Variants in ANK1 observed in about 807,000 individuals in gnomAD.
ANK1 encodes ankyrin 1.
A neutral mutation model predicts 210.4 loss-of-function variants in ANK1; 51 were observed. That is an observed-to-expected ratio of 0.24 (90% CI 0.19 to 0.31). ANK1 has a LOEUF of 0.31. Ranked by LOEUF, ANK1 falls within the 10% of genes least tolerant of loss-of-function variation. The pLI is 1.00. For synonymous variants in ANK1, 967 were observed against 1,025.9 expected (o/e 0.94, Z 1.10); for missense variants, 2,051 against 2,504.4 (o/e 0.82, Z 3.86).
chr8:41,703,448 A>ATTTTTT (rs1198353842), intron 20 of ANK1, among the ~76,000 whole-genome samples: 80 of 60,160 alleles, frequency 1.3e-3, no homozygotes, highest in African/African-American at 5.2e-3. Context: ...ATATATATAT[A>ATTTTTT]TATTTTTTTT....
intron 1 of ANK1, among the ~76,000 whole-genome samples, chr8:41,838,341 G>C (rs1375624836): frequency 6.6e-6 from 1 of 152,206 alleles, no homozygotes; most frequent in Non-Finnish European, 1.5e-5. Flanking sequence ...TGTAGGACCT[G>C]AATAACCTGG....
At chr8:41,712,255 C>T (rs1329786496) in intron 16 of ANK1, among the ~76,000 whole-genome samples, 1 of 152,150 alleles carries the variant, frequency 6.6e-6, no homozygotes, top group Non-Finnish European at 1.5e-5. Flanking sequence ...GTACAAGGGT[C>T]CATCACTTGA....
intron 1 of ANK1, among the ~76,000 whole-genome samples, chr8:41,853,735 CTTATT>C (rs750562289): frequency 8.5e-5 from 13 of 152,048 alleles, no homozygotes; most frequent in Non-Finnish European, 1.3e-4. Flanking sequence ...TGGGATTTTA[CTTATT>C]TTATTTTATT....
Position 41,725,945 on chromosome 8 carries a change from T to A in ANK1, c.428A>T (p.Asp143Val). 1 of 1,613,336 alleles carries A rather than the reference T, an allele frequency of 6.2e-7. No homozygotes were observed. The highest frequency in any genetic ancestry group is 8.5e-7 in the Non-Finnish European group (1 of 1,179,920). ...NGANQNVATE[D>V]GFTPLAVALQ... ...GGCTACCGCCAGAGGCGTGAAGCCG[T>A]CCTGGCCAGAGGAGGAAAATGCTTT... Residue 143 changes from aspartate (D) to valine (V), a missense_variant and splice_region_variant, in exon 6 of 43, where the codon GAC becomes GTC. Asp to Val is a radical substitution (Grantham distance 152, BLOSUM62 -3). Around this residue, in one of 6 missense-constraint regions of ANK1, gnomAD observed 10 missense variants for 36.2 expected, o/e 0.28. Coordinates refer to ENST00000289734, the MANE Select transcript of ANK1 (RefSeq NM_000037.4).
In ANK1 at chr8:41,727,811, G is replaced by A. The variant is rs1831099546; in HGVS notation, c.327+97C>T. ...TAGGCCCTGCCCCACAGTAGTGTGTGTGTTAACACGGCTGCCAATGGACCC... is the reference window on the plus strand; with the variant it reads ...TAGGCCCTGCCCCACAGTAGTGTGTATGTTAACACGGCTGCCAATGGACCC... On this transcript the variant is annotated intron_variant, in intron 4 of 42. Transcript: ENST00000289734. The A allele has an allele frequency of 7.2e-6, 8 of 1,104,446 alleles. No homozygotes were observed. In the South Asian group the frequency reaches 8.9e-5, roughly 12 times the overall value. 68.4% of individuals were successfully genotyped at this position (1,104,446 alleles called of 1,614,324 possible). A position where few individuals can be genotyped will look rare whatever the true frequency, so the allele number is the denominator to read the frequency against.
chr8:41,777,636 AAT>A (rs1467780832), intron 1 of ANK1, among the ~76,000 whole-genome samples: 4 of 151,988 alleles, frequency 2.6e-5, no homozygotes, highest in Admixed American at 1.3e-4. Flanking sequence ...ACAAACAAAC[AAT>A]GTTATGGTTG....
chr8:41,825,581 C>G (rs1805230636), intron 1 of ANK1, among the ~76,000 whole-genome samples: 1 of 152,328 alleles, frequency 6.6e-6, no homozygotes, highest in East Asian at 1.9e-4. Flanking sequence ...GGCCTGAGCT[C>G]AACACTTGAA....
chr8:41,862,340 G>A (rs952195152), intron 1 of ANK1, among the ~76,000 whole-genome samples: 1 of 152,136 alleles, frequency 6.6e-6, no homozygotes, highest in African/African-American at 2.4e-5. Context: ...GAGTGAGGCT[G>A]AGCTGAAATG....
intron 3 of ANK1, among the ~76,000 whole-genome samples, chr8:41,729,329 A>G (rs1456294436): frequency 1.3e-5 from 2 of 152,264 alleles, no homozygotes; most frequent in African/African-American, 2.4e-5. Flanking sequence ...TTTGTAAAAG[A>G]TAAGAACCAA....
intron 1 of ANK1, among the ~76,000 whole-genome samples, chr8:41,772,186 T>C (rs1422409870): frequency 1.3e-5 from 2 of 152,166 alleles, no homozygotes; most frequent in Non-Finnish European, 2.9e-5. Flanking sequence ...CAGAACTCAA[T>C]AGCAACAACA....
At chr8:41,712,113 C>T (rs1005641376) in intron 16 of ANK1, among the ~76,000 whole-genome samples, 8 of 152,022 alleles carry the variant, frequency 5.3e-5, no homozygotes, top group African/African-American at 9.7e-5. Flanking sequence ...TTAGTAGAGA[C>T]GGGGTTTCAC....
Position 41,714,928 on chromosome 8 carries a change from C to T in ANK1, c.1701+48G>A, listed in dbSNP as rs1355276336. On this transcript the variant is annotated intron_variant, in intron 15 of 42. Transcript: ENST00000289734. ...CAAGTGCTGATGTCCATCCTCTGTC[C>T]TTGCCTCTAACCTGAGAGCTGCAGG... 7 of 1,578,504 alleles carry T rather than the reference C, an allele frequency of 4.4e-6. No homozygotes were observed. The Admixed American group carries it at 1.2e-4, about 26-fold the overall frequency.
At position 41,866,073 on chromosome 8, in the gene ANK1, G is replaced by A. The variant is rs532599600; in HGVS notation, c.126+30282C>T. Among the ~76,000 whole-genome samples, 278 of 152,352 alleles carry A rather than the reference G, an allele frequency of 1.8e-3. 1 individual carries two copies. Among genetic ancestry groups the A allele is most frequent in the African/African-American group, 5.9e-3 (244 of 41,578 alleles). Reference sequence around the variant, plus strand: ...AACTATGCACATACCCTTCAGTGGGGACGTATGGAGCCTGCCCTCCCTTCT... The same window carrying A: ...AACTATGCACATACCCTTCAGTGGGAACGTATGGAGCCTGCCCTCCCTTCT... On this transcript the variant is annotated intron_variant, in intron 1 of 42. Transcript: ENST00000265709.
chr8:41,698,021 CCA>C lies in ANK1; in HGVS notation c.2637+20_2637+21del. On this transcript the variant is annotated intron_variant, in intron 24 of 42. Coordinates refer to ENST00000289734, the MANE Select transcript of ANK1 (RefSeq NM_000037.4). ...TTTTCATGCCCTCCATGTGGGGAAA[CCA>C]CAGAGAAGGAGCTTCTCACCTGCTC... is the stretch of plus-strand genomic sequence containing the variant. 1 of 1,613,380 alleles carries C rather than the reference CCA, an allele frequency of 6.2e-7. No individual in the cohort carries two copies. Among genetic ancestry groups the C allele is most frequent in the Non-Finnish European group, 8.5e-7 (1 of 1,179,572 alleles).
chr8:41,722,026 A>C (rs1829405980), intron 9 of ANK1, among the ~76,000 whole-genome samples: 1 of 152,242 alleles, frequency 6.6e-6, no homozygotes, highest in African/African-American at 2.4e-5. Flanking sequence ...GATAGTAGCA[A>C]TTCTACTTTC....
chr8:41,797,635 A>G (rs1157473249), upstream of ANK1: 4 of 1,579,066 alleles, frequency 2.5e-6, no homozygotes, highest in African/African-American at 5.4e-5. The surrounding 1 kb of genome is among the most constrained non-coding windows in gnomAD (Gnocchi z 4.0). Flanking sequence ...GGGGCCTGTG[A>G]CGTGCGGGCC....
intron 40 of ANK1, among the ~76,000 whole-genome samples, chr8:41,663,084 T>G (rs1316501516): frequency 1.4e-5 from 2 of 140,108 alleles, no homozygotes; most frequent in East Asian, 2.1e-4. Context: ...CTGGCTAATT[T>G]TGTGTGTGTG....
chr8:41,891,552 A>T (rs567292480), intron 1 of ANK1, among the ~76,000 whole-genome samples: 2 of 152,308 alleles, frequency 1.3e-5, no homozygotes, highest in South Asian at 4.1e-4. Flanking sequence ...AGAGTGTAAC[A>T]TCTTCTCAGC....
Position 41,684,566 on chromosome 8 carries a change from C to T in ANK1, c.4515G>A (p.Ser1505=), listed in dbSNP as rs1275911210. 6.8e-6 allele frequency: 11 copies of T among 1,613,632 alleles called. No individual in the cohort carries two copies. The highest frequency in any genetic ancestry group is 2.2e-5 in the East Asian group (1 of 44,898). The change falls in exon 37 of 43, where the codon TCG becomes TCA. Residue 1505 remains serine (S), a synonymous_variant. Coordinates refer to ENST00000289734, the MANE Select transcript of ANK1 (RefSeq NM_000037.4). The part of the protein sequence containing the change: ...PDRRHTDRDY[S]LSPSQMNGYS... ...CACCATTCATCTGGGAGGGTGACAG[C>T]GAGTAGTCGCGGTCGGTGTGCCGCC...
Sources: gnomAD v4.1 joint callset for allele counts (sites outside exome capture counted in the v4.1 genomes callset) on GRCh38, gnomAD v4.1.1 for gene constraint, gnomAD v4.1.1 regional missense constraint, Gnocchi (gnomAD v3.1) non-coding constraint, MANE v1.5 for transcripts, NCBI Gene and HGNC (gene_info 2026-07-23, HGNC 2026-07-21) for gene names.